ZNF560: variants seen among roughly 807,000 people sequenced by gnomAD.
The protein encoded by ZNF560 is zinc finger protein 560.
Under a neutral mutation model 81.8 loss-of-function variants are expected in ZNF560, and 54 were observed. That is an observed-to-expected ratio of 0.66 (90% CI 0.53 to 0.83). The LOEUF is 0.83. Among genes scored for constraint, ZNF560 ranks in the 40% least tolerant of loss-of-function variants. The pLI is 0.00. For missense variants in ZNF560, 940 were observed against 932.4 expected, an observed-to-expected ratio of 1.01 and a Z score of -0.11; for synonymous variants, 321 against 317.9, an observed-to-expected ratio of 1.01 and a Z score of -0.10.
At chr19:9,469,391 C>A (rs1044562791) in intron 8 of ZNF560, among the ~76,000 whole-genome samples, 1 of 151,968 alleles carries the variant, frequency 6.6e-6, no homozygotes, top group Non-Finnish European at 1.5e-5. Flanking sequence ...AAGGAAAAGT[C>A]GGAAAAATTG....
upstream of ZNF560, among the ~76,000 whole-genome samples, chr19:9,501,747 C>T (rs1210444427): frequency 1.3e-5 from 2 of 151,906 alleles, no homozygotes; most frequent in Non-Finnish European, 2.9e-5. Flanking sequence ...AATCTGACCA[C>T]CCTGGGCCTC....
At chr19:9,445,968 C>A in the ZNF560 span, among the ~76,000 whole-genome samples, 4 of 152,122 alleles carry the variant, frequency 2.6e-5, no homozygotes, top group Non-Finnish European at 5.9e-5. Context: ...TGCTTGGAGG[C>A]TGGAACCAAG....
Position 9,468,074 on chromosome 19 carries a change from G to C in ZNF560, c.873C>G (p.Ser291=). 6.2e-7 allele frequency: 1 copy of C among 1,614,146 alleles called. No individual in the cohort carries two copies. The highest frequency in any genetic ancestry group is 8.5e-7 in the Non-Finnish European group (1 of 1,180,028). Residue 291 remains serine (S), a synonymous_variant, in exon 10 of 10, where the codon TCC becomes TCG. Transcript: ENST00000301480. Reference sequence around the variant, plus strand: ...CTTTCCCATAGTCAGTGCCTTCAAAGGATTTATCTTGTGTACACTTTCTCT... The same window carrying C: ...CTTTCCCATAGTCAGTGCCTTCAAACGATTTATCTTGTGTACACTTTCTCT... The part of the protein sequence containing the change: ...QVQRKCTQDK[S]FEGTDYGKAF...
At chr19:9,446,450 C>G in the ZNF560 span, among the ~76,000 whole-genome samples, 1 of 151,706 alleles carries the variant, frequency 6.6e-6, no homozygotes, top group Non-Finnish European at 1.5e-5. Flanking sequence ...TGGTTTCTTT[C>G]ACAACATCAT....
In ZNF560 at chr19:9,468,231, C is replaced by T. The variant is rs1425722302; in HGVS notation, c.716G>A (p.Gly239Asp). The change falls in exon 10 of 10, where the codon GGC (glycine) becomes GAC (aspartate). Residue 239 changes from glycine (G) to aspartate (D), a missense_variant. Gly to Asp is a moderately conservative substitution (Grantham distance 94). Transcript: ENST00000301480. ...LKTNMSTQNR[G>D]NTSECIQYAK... ...ATACTGAATACATTCAGACGTGTTG[C>T]CTCTATTTTGAGTACTCATGTTGGT... 2 of 1,614,050 alleles carry T rather than the reference C, an allele frequency of 1.2e-6. No individual in the cohort carries two copies. The highest frequency in any genetic ancestry group is 4.5e-5 in the East Asian group (2 of 44,872).
At chr19:9,499,051 T>G (rs1205452291), upstream of ZNF560, among the ~76,000 whole-genome samples, 1 of 152,254 alleles carries the variant, frequency 6.6e-6, no homozygotes, top group African/African-American at 2.4e-5. Flanking sequence ...AGAACTTTAT[T>G]TTCTCTTATT....
At position 9,483,488 on chromosome 19, in the gene ZNF560, G is replaced by A. The variant is rs546413879; in HGVS notation, c.-56-8119C>T. On this transcript the variant is annotated intron_variant, in intron 2 of 9. Transcript: ENST00000301480. ...CTGGCAGCTGCCCTGTCCAGGAGGT[G>A]GGGGGTCAGCCCCCGCCCGGCCAGC... Among the ~76,000 whole-genome samples the A allele has an allele frequency of 4.6e-5, 7 of 150,862 alleles. No homozygotes were observed. The East Asian group carries it at 1.4e-3, about 30-fold the overall frequency.
Position 9,469,669 on chromosome 19 carries a change from C to G in ZNF560, c.490G>C (p.Glu164Gln). ...FKPSLISWLE[E>Q]EEELSTLPRV... Reference sequence around the variant, plus strand: ...GGCAGTGTGCTCAACTCTTCCTCTTCCTCCAGCCAAGAGATCAGACTGGGT... The same window carrying G: ...GGCAGTGTGCTCAACTCTTCCTCTTGCTCCAGCCAAGAGATCAGACTGGGT... The change falls in exon 8 of 10, where the codon GAA becomes CAA. Residue 164 changes from glutamate to glutamine, a missense_variant. Glu to Gln is a conservative substitution (Grantham distance 29, BLOSUM62 2). Transcript: ENST00000301480. 6.2e-7 allele frequency: 1 copy of G among 1,614,224 alleles called. No individual in the cohort carries two copies.
Position 9,471,456 on chromosome 19 carries a change from C to A in ZNF560, c.239-78G>T, listed in dbSNP as rs2073121500. On this transcript the variant is annotated intron_variant, in intron 5 of 9. Coordinates refer to ENST00000301480, the MANE Select transcript of ZNF560 (RefSeq NM_152476.3). Reference sequence around the variant, plus strand: ...AATGAAAGAGTTAAAAATTATAGGCCTCATTCATATTTGTTTTTAAAATAA... The same window carrying A: ...AATGAAAGAGTTAAAAATTATAGGCATCATTCATATTTGTTTTTAAAATAA... 6 of 894,772 alleles carry A rather than the reference C, an allele frequency of 6.7e-6. No individual in the cohort carries two copies. In the South Asian group the frequency reaches 6.8e-5, roughly 10 times the overall value. 55.4% of individuals were successfully genotyped at this position (894,772 alleles called of 1,614,324 possible). A position where few individuals can be genotyped will look rare whatever the true frequency, so the allele number is the denominator to read the frequency against.
rs543030258 is a variant in ZNF560, at chr19:9,498,191, C to G, written c.-120G>C. 6.6e-6 allele frequency: 1 copy of G among 152,184 alleles called. No homozygotes were observed. Among genetic ancestry groups the G allele is most frequent in the African/African-American group, 2.4e-5 (1 of 41,432 alleles). The allele number at this position is 152,184 out of a possible 1,614,324, so 9.4% of individuals were successfully genotyped here. A position where few individuals can be genotyped will look rare whatever the true frequency, so the allele number is the denominator to read the frequency against. On this transcript the variant is annotated 5_prime_UTR_variant, in exon 2 of 10. Coordinates refer to ENST00000301480, the MANE Select transcript of ZNF560 (RefSeq NM_152476.3). Reference sequence around the variant, plus strand: ...GATCTTGGGGACGGAGTCAATCGAACGCGAACGGCAAAATTCTTTTCCCTC... The same window carrying G: ...GATCTTGGGGACGGAGTCAATCGAAGGCGAACGGCAAAATTCTTTTCCCTC...
the ZNF560 span, among the ~76,000 whole-genome samples, chr19:9,447,009 C>T: frequency 2.6e-5 from 4 of 151,828 alleles, no homozygotes; most frequent in African/African-American, 9.7e-5. Context: ...TGGCGCGTGC[C>T]TATAGTCCCA....
At chr19:9,487,941 T>C (rs1266649438) in intron 2 of ZNF560, among the ~76,000 whole-genome samples, 1 of 152,128 alleles carries the variant, frequency 6.6e-6, no homozygotes, top group Non-Finnish European at 1.5e-5. Flanking sequence ...AGAAACATGA[T>C]CTTAAACCCC....
At chr19:9,494,582 A>G (rs2073526422) in intron 2 of ZNF560, among the ~76,000 whole-genome samples, 1 of 152,012 alleles carries the variant, frequency 6.6e-6, no homozygotes, top group Non-Finnish European at 1.5e-5. Context: ...TAAAAATACA[A>G]AAAATTAGCC....
chr19:9,450,303 T>A, the ZNF560 span, among the ~76,000 whole-genome samples: 7,219 of 143,140 alleles, frequency 0.05, 599 homozygotes, highest in African/African-American at 0.17. Flanking sequence ...AAAAAAAAAC[T>A]GAAAAAAGAA....
rs139849757 is a variant in ZNF560 at position 9,491,697 on chromosome 19, G to C, written c.-57+6431C>G. On this transcript the variant is annotated intron_variant, in intron 2 of 9. Transcript: ENST00000301480. ...AAAAATTAGCTGGGTGTGGTGGCAC[G>C]CGTCTGTAGTCCCAGCTACTCAGGA... 2.7e-3 allele frequency among the ~76,000 whole-genome samples: 416 copies of C among 151,398 alleles called. 1 individual carries two copies. The highest frequency in any genetic ancestry group is 4.3e-3 in the Non-Finnish European group (290 of 67,898).
chr19:9,470,153 G>A (rs7260561), intron 7 of ZNF560, among the ~76,000 whole-genome samples: 7,335 of 152,120 alleles, frequency 0.048, 606 homozygotes, highest in African/African-American at 0.17. Context: ...GTCTGAGAAT[G>A]TACACATATC....
intron 2 of ZNF560, among the ~76,000 whole-genome samples, chr19:9,491,724 G>T (rs2073476258): frequency 6.6e-6 from 1 of 150,640 alleles, no homozygotes; most frequent in South Asian, 2.1e-4. Flanking sequence ...TACTCAGGAG[G>T]CTGAGACAGG....
chr19:9,467,029 A>G lies in ZNF560; in HGVS notation c.1918T>C (p.Ser640Pro). 6.2e-7 allele frequency: 1 copy of G among 1,613,570 alleles called. No homozygotes were observed. Among genetic ancestry groups the G allele is most frequent in the Non-Finnish European group, 8.5e-7 (1 of 1,179,902 alleles). Residue 640 changes from serine to proline, a missense_variant, in exon 10 of 10, where the codon TCC (serine) becomes CCC (proline). Physicochemically the swap from Ser to Pro is moderately conservative, Grantham distance 74 (BLOSUM62 -1). Transcript: ENST00000301480. ...YKDCGKAFVV[S>P]SSLVDHLRTH... The stretch of plus-strand genomic sequence containing the variant: ...CTTAAATGATCAACTAGACTGGAGG[A>G]GACAACAAAGGCTTTCCCACAGTCC...
chr19:9,464,153 G>GT (rs1463215001), downstream of ZNF560, among the ~76,000 whole-genome samples: 1 of 152,144 alleles, frequency 6.6e-6, no homozygotes, highest in Admixed American at 6.5e-5. Context: ...CAGCTTGTGC[G>GT]TGTGTGTGTA....
Sources: gnomAD v4.1 joint callset for allele counts (sites outside exome capture counted in the v4.1 genomes callset) on GRCh38, gnomAD v4.1.1 for gene constraint, MANE v1.5 for transcripts, NCBI Gene and HGNC (gene_info 2026-07-23, HGNC 2026-07-21) for gene names.